The following NKAIN2 variants were observed in gnomAD, a reference collection of about 807,000 sequenced individuals.
NKAIN2 encodes sodium/potassium-transporting ATPase subunit beta-1-interacting protein 2.
NKAIN2 carries 14 observed loss-of-function variants against 32.6 expected under a neutral mutation model. The ratio of observed to expected loss-of-function variants is 0.43; its 90% CI spans 0.28 to 0.67. The LOEUF is 0.67. Ranked by LOEUF, NKAIN2 falls within the 30% of genes least tolerant of loss-of-function variation. The pLI, the probability that NKAIN2 is intolerant of heterozygous loss-of-function variation, is 0.17. For synonymous variants in NKAIN2, 80 were observed against 87.2 expected, an observed-to-expected ratio of 0.92 and a Z score of 0.46; for missense variants, 198 against 258.3, an observed-to-expected ratio of 0.77 and a Z score of 1.60.
chr6:124,344,645 G>C (rs893382359), intron 2 of NKAIN2, among the ~76,000 whole-genome samples: 1 of 152,076 alleles, frequency 6.6e-6, no homozygotes, highest in Non-Finnish European at 1.5e-5. Flanking sequence ...TCTGTTATTG[G>C]TGTATAAGAA....
intron 1 of NKAIN2, among the ~76,000 whole-genome samples, chr6:123,884,154 C>T (rs1773604063): frequency 6.6e-6 from 1 of 152,018 alleles, no homozygotes; most frequent in East Asian, 1.9e-4. Flanking sequence ...TTGTTTCCCT[C>T]TATGTGTCCA....
chr6:124,771,511 A>G (rs1186992522), intron 4 of NKAIN2, among the ~76,000 whole-genome samples: 4 of 152,178 alleles, frequency 2.6e-5, no homozygotes, highest in African/African-American at 4.8e-5. Context: ...AATGATTGAG[A>G]GTTCTATTAT....
chr6:124,374,919 T>A (rs1311268819), intron 3 of NKAIN2, among the ~76,000 whole-genome samples: 4 of 152,116 alleles, frequency 2.6e-5, no homozygotes, highest in Non-Finnish European at 5.9e-5. Flanking sequence ...TGCAAGACAC[T>A]GGCTGAAATG....
chr6:124,422,053 A>G (rs1357242163), intron 3 of NKAIN2, among the ~76,000 whole-genome samples: 1 of 152,142 alleles, frequency 6.6e-6, no homozygotes, highest in Non-Finnish European at 1.5e-5. Flanking sequence ...AGCAAGATGC[A>G]AATGAAATTG....
chr6:124,349,415 G>A (rs1798610710), intron 2 of NKAIN2, among the ~76,000 whole-genome samples: 1 of 151,192 alleles, frequency 6.6e-6, no homozygotes, highest in Non-Finnish European at 1.5e-5. Flanking sequence ...AAAATTAGCA[G>A]CATGATATCT....
chr6:124,377,059 G>A (rs1407512363), intron 3 of NKAIN2, among the ~76,000 whole-genome samples: 1 of 152,094 alleles, frequency 6.6e-6, no homozygotes, highest in Non-Finnish European at 1.5e-5. Flanking sequence ...TCTGATCTAT[G>A]GGACTAGCAA....
chr6:123,951,547 G>A (rs1002731165), intron 1 of NKAIN2, among the ~76,000 whole-genome samples: 1 of 151,808 alleles, frequency 6.6e-6, no homozygotes, highest in Non-Finnish European at 1.5e-5. Context: ...TTGACTTAAA[G>A]TCTGTTTTAT....
chr6:124,073,953 AG>A (rs1783576246), intron 1 of NKAIN2, among the ~76,000 whole-genome samples: 1 of 152,222 alleles, frequency 6.6e-6, no homozygotes, highest in Non-Finnish European at 1.5e-5. Flanking sequence ...TACGAACTCC[AG>A]GTTTGAGGAT....
intron 3 of NKAIN2, among the ~76,000 whole-genome samples, chr6:124,614,402 T>A (rs1040594860): frequency 6.6e-6 from 1 of 151,998 alleles, no homozygotes; most frequent in Non-Finnish European, 1.5e-5. Context: ...TCGAAAAAAA[T>A]TAATCATCCA....
At chr6:124,676,988 G>A (rs1037162557) in intron 4 of NKAIN2, among the ~76,000 whole-genome samples, 1 of 151,908 alleles carries the variant, frequency 6.6e-6, no homozygotes, top group African/African-American at 2.4e-5. Flanking sequence ...TTGGGGTGGA[G>A]GACAGTGTCT....
intron 1 of NKAIN2, among the ~76,000 whole-genome samples, chr6:124,217,771 G>GTA (rs200796099): frequency 5.9e-4 from 78 of 131,152 alleles, no homozygotes; most frequent in South Asian, 2.7e-3. Context: ...GTAGATATAT[G>GTA]TATATATATA....
intron 3 of NKAIN2, among the ~76,000 whole-genome samples, chr6:124,618,337 G>C (rs1204996655): frequency 6.6e-6 from 1 of 152,172 alleles, no homozygotes; most frequent in East Asian, 1.9e-4. Flanking sequence ...AATTAGCTGG[G>C]CATGGTGGTG....
At chr6:124,808,403 T>C (rs1780703520) in intron 5 of NKAIN2, among the ~76,000 whole-genome samples, 1 of 152,210 alleles carries the variant, frequency 6.6e-6, no homozygotes, top group South Asian at 2.1e-4. Context: ...TCTTAATAGA[T>C]GCAGAAAAGG....
intron 1 of NKAIN2, among the ~76,000 whole-genome samples, chr6:124,095,101 G>A (rs1784597336): frequency 6.6e-6 from 1 of 152,124 alleles, no homozygotes; most frequent in South Asian, 2.1e-4. Context: ...AGTCTCTGAT[G>A]ATTAGCATAG....
intron 1 of NKAIN2, among the ~76,000 whole-genome samples, chr6:123,937,572 G>T (rs1776578180): frequency 6.6e-6 from 1 of 152,036 alleles, no homozygotes; most frequent in South Asian, 2.1e-4. Context: ...ATTACTTACG[G>T]ATCAATAAAT....
intron 1 of NKAIN2, among the ~76,000 whole-genome samples, chr6:124,019,116 A>G (rs940464012): frequency 3.9e-5 from 6 of 152,128 alleles, no homozygotes; most frequent in Non-Finnish European, 8.8e-5. Flanking sequence ...CTTATTCACT[A>G]TCATGAGAAC....
intron 3 of NKAIN2, among the ~76,000 whole-genome samples, chr6:124,605,891 T>C (rs1191538149): frequency 6.6e-6 from 1 of 152,020 alleles, no homozygotes; most frequent in African/African-American, 2.4e-5. Context: ...GGGGACAGTC[T>C]TTTTAGTGGA....
intron 4 of NKAIN2, among the ~76,000 whole-genome samples, chr6:124,692,674 G>C (rs1774314515): frequency 6.6e-6 from 1 of 151,894 alleles, no homozygotes; most frequent in Non-Finnish European, 1.5e-5. Context: ...AAATTAGCCG[G>C]GCATGGTGGC....
chr6:124,598,811 T>C (rs1782196251), intron 3 of NKAIN2, among the ~76,000 whole-genome samples: 2 of 152,158 alleles, frequency 1.3e-5, no homozygotes, highest in African/African-American at 4.8e-5. Context: ...CTAATTATCT[T>C]TTCATAGATA....
Sources: allele counts gnomAD v4.1 joint callset (sites outside exome capture counted in the v4.1 genomes callset), GRCh38; gene constraint gnomAD v4.1.1; transcripts MANE v1.5; gene names NCBI Gene and HGNC (gene_info 2026-07-23, HGNC 2026-07-21).